ZNF626: variants seen among roughly 807,000 people sequenced by gnomAD.
ZNF626 encodes the protein zinc finger protein 626, also known as CTC-513N18.7.
A neutral mutation model predicts 11.7 loss-of-function variants in ZNF626; 4 were observed. The ratio of observed to expected loss-of-function variants is 0.34; its 90% CI spans 0.17 to 0.78. ZNF626 has a LOEUF of 0.78. Ranked by LOEUF, ZNF626 falls within the 30% of genes least tolerant of loss-of-function variation. ZNF626 has a pLI of 0.57. For missense variants in ZNF626, 588 were observed against 587.1 expected, an observed-to-expected ratio of 1.00 and a Z score of -0.01; for synonymous variants, 179 against 198.6, an observed-to-expected ratio of 0.90 and a Z score of 0.83.
At position 20,620,686 on chromosome 19, in the gene ZNF626, G is replaced by A. The variant is rs2033275; in HGVS notation, c.*3604C>T. The A allele has an allele frequency of 0.79, 120,647 of 151,842 alleles. 48,851 individuals carry two copies. Among genetic ancestry groups the A allele is most frequent in the Admixed American group, 0.87 (13,305 of 15,270 alleles). The allele number at this position is 151,842 out of a possible 1,614,324, so 9.4% of individuals were successfully genotyped here. A position where few individuals can be genotyped will look rare whatever the true frequency, so the allele number is the denominator to read the frequency against. ...CTCCTACCTCAGCCTCCAGGTGTGC[G>A]CCACCATGACTGGCTAATTTTTCTA... is the stretch of plus-strand genomic sequence containing the variant. On this transcript the variant is annotated 3_prime_UTR_variant, in exon 4 of 4. Coordinates refer to ENST00000601440, the MANE Select transcript of ZNF626 (RefSeq NM_001076675.3).
intron 3 of ZNF626, among the ~76,000 whole-genome samples, chr19:20,635,566 C>A (rs1969957044): frequency 6.6e-6 from 1 of 152,016 alleles, no homozygotes; most frequent in South Asian, 2.1e-4. Context: ...CGTGATCCAC[C>A]CACCTCGGCC....
Position 20,620,308 on chromosome 19 carries a change from TTCCATTAA to T in ZNF626, c.*3974_*3981del, listed in dbSNP as rs1433532792. On this transcript the variant is annotated 3_prime_UTR_variant, in exon 4 of 4. Transcript: ENST00000601440. ...TTCAGCATATTCAAGGTGTTTAGTT[TTCCATTAA>T]TCACCTAAAAACTTATTTTGTTCCA... is the stretch of plus-strand genomic sequence containing the variant. 1 of 152,182 alleles carries T rather than the reference TTCCATTAA, an allele frequency of 6.6e-6. No homozygotes were observed. Among genetic ancestry groups the T allele is most frequent in the Non-Finnish European group, 1.5e-5 (1 of 68,042 alleles). 9.4% of individuals were successfully genotyped at this position (152,182 alleles called of 1,614,324 possible).
intron 1 of ZNF626, among the ~76,000 whole-genome samples, chr19:20,659,978 C>T (rs2144799053): frequency 6.6e-6 from 1 of 152,106 alleles, no homozygotes; most frequent in East Asian, 1.9e-4. Context: ...CCTTTAATAA[C>T]CTCCTGTTGG....
Position 20,636,740 on chromosome 19 carries a change from G to T in ZNF626, c.226+8944C>A, listed in dbSNP as rs568553102. ...AGTCCTACAAGATATAATATACAGG[G>T]TTGTGCTCCCTGGCTCACGCCTGTA... On this transcript the variant is annotated intron_variant, in intron 3 of 3. Transcript: ENST00000601440. Among the ~76,000 whole-genome samples, 300 of 152,270 alleles carry T rather than the reference G, an allele frequency of 2.0e-3. 1 individual carries two copies. The highest frequency in any genetic ancestry group is 6.9e-3 in the African/African-American group (288 of 41,546).
chr19:20,632,188 A>G (rs10414840), intron 3 of ZNF626, among the ~76,000 whole-genome samples: 68,419 of 152,018 alleles, frequency 0.45, 16,672 homozygotes, highest in African/African-American at 0.64. Context: ...CCCTTTGTGG[A>G]TAACCCGAGC....
chr19:20,648,843 T>C (rs1441508457), intron 1 of ZNF626, among the ~76,000 whole-genome samples: 1 of 152,198 alleles, frequency 6.6e-6, no homozygotes, highest in Non-Finnish European at 1.5e-5. Context: ...TTTTTAATAT[T>C]GCAGATCATA....
intron 1 of ZNF626, among the ~76,000 whole-genome samples, chr19:20,659,167 G>A (rs1970236926): frequency 6.6e-6 from 1 of 152,240 alleles, no homozygotes; most frequent in Middle Eastern, 3.4e-3. Flanking sequence ...CTATCACACA[G>A]CCAGACACAC....
chr19:20,647,070 T>C (rs1001549770), intron 1 of ZNF626, among the ~76,000 whole-genome samples: 40 of 152,154 alleles, frequency 2.6e-4, no homozygotes, highest in African/African-American at 9.2e-4. Context: ...GGTCTTGAAC[T>C]CCCTACCTCA....
At position 20,624,964 on chromosome 19, in the gene ZNF626, T is replaced by A. The variant is rs1555769321; in HGVS notation, c.913A>T (p.Ile305Leu). ...TAGGGTTTTTCTCCAGTATGAATTA[T>A]CTTATGTGTAGTAAGGGTTGAGGAC... ...NRSSTLTTHK[I>L]IHTGEKPYKC... The change falls in exon 4 of 4, where the codon ATA becomes TTA. Residue 305 changes from isoleucine (I) to leucine (L), a missense_variant. Coordinates refer to ENST00000601440, the MANE Select transcript of ZNF626 (RefSeq NM_001076675.3). 2.5e-6 allele frequency: 4 copies of A among 1,613,788 alleles called. No individual in the cohort carries two copies. The highest frequency in any genetic ancestry group is 1.3e-5 in the African/African-American group (1 of 74,934).
At chr19:20,657,940 T>C (rs1555773291) in intron 1 of ZNF626, among the ~76,000 whole-genome samples, 2 of 151,868 alleles carry the variant, frequency 1.3e-5, no homozygotes, top group African/African-American at 4.8e-5. Flanking sequence ...CACTGAGGCC[T>C]AGTTGAGGGG....
At chr19:20,629,910 T>G (rs1201865099) in intron 3 of ZNF626, among the ~76,000 whole-genome samples, 1 of 152,242 alleles carries the variant, frequency 6.6e-6, no homozygotes, top group Non-Finnish European at 1.5e-5. Flanking sequence ...ATATTGGCTG[T>G]GGGTTTGTCA....
At chr19:20,660,243 TAAAAA>T (rs35231346) in intron 1 of ZNF626, among the ~76,000 whole-genome samples, 26 of 104,886 alleles carry the variant, frequency 2.5e-4, no homozygotes, top group East Asian at 8.2e-4. Flanking sequence ...ACACTGTGTC[TAAAAA>T]AAAAAAAAAA....
intron 3 of ZNF626, among the ~76,000 whole-genome samples, chr19:20,640,795 G>A (rs1555771357): frequency 6.6e-6 from 1 of 151,870 alleles, no homozygotes; most frequent in African/African-American, 2.4e-5. Context: ...GATAACAAAG[G>A]TGCAGTCATT....
At chr19:20,640,209 T>TA (rs1324921599) in intron 3 of ZNF626, among the ~76,000 whole-genome samples, 12 of 129,144 alleles carry the variant, frequency 9.3e-5, no homozygotes, top group African/African-American at 3.8e-4. Flanking sequence ...AATTTTTTAA[T>TA]ATTAAATTCA....
chr19:20,647,720 TC>T (rs1555772087), intron 1 of ZNF626, among the ~76,000 whole-genome samples: 1 of 151,814 alleles, frequency 6.6e-6, no homozygotes. Context: ...TCTCCTGACC[TC>T]GTGATCCACC....
At chr19:20,633,213 G>A (rs1280668091) in intron 3 of ZNF626, among the ~76,000 whole-genome samples, 6 of 152,202 alleles carry the variant, frequency 3.9e-5, no homozygotes, top group African/African-American at 1.4e-4. Flanking sequence ...GTGCCTCCCA[G>A]TTAGGCTACT....
At chr19:20,627,998 C>A (rs564141502) in intron 3 of ZNF626, among the ~76,000 whole-genome samples, 9 of 152,084 alleles carry the variant, frequency 5.9e-5, no homozygotes, top group Non-Finnish European at 1.3e-4. Flanking sequence ...TCTCATTGTT[C>A]AATTCCCACC....
chr19:20,640,748 G>T (rs567918261), intron 3 of ZNF626, among the ~76,000 whole-genome samples: 1 of 151,892 alleles, frequency 6.6e-6, no homozygotes, highest in African/African-American at 2.4e-5. Flanking sequence ...ATCTGTTGAT[G>T]ATGCAATAAA....
chr19:20,643,424 C>T (rs183680626), intron 3 of ZNF626, among the ~76,000 whole-genome samples: 37 of 152,078 alleles, frequency 2.4e-4, no homozygotes, highest in Non-Finnish European at 2.9e-5. Context: ...AATTTTATAA[C>T]TACTTATAAC....
Sources: gnomAD v4.1 joint callset for allele counts (sites outside exome capture counted in the v4.1 genomes callset) on GRCh38, gnomAD v4.1.1 for gene constraint, MANE v1.5 for transcripts, NCBI Gene and HGNC (gene_info 2026-07-23, HGNC 2026-07-21) for gene names.